RNF17: variants seen among roughly 807,000 people sequenced by gnomAD.
RNF17 encodes the protein ring finger protein 17.
Under a neutral mutation model 200.5 loss-of-function variants are expected in RNF17, and 31 were observed. The ratio of observed to expected loss-of-function variants is 0.15; its 90% CI spans 0.12 to 0.21. The LOEUF is 0.21. Ranked by LOEUF, RNF17 falls within the 10% of genes least tolerant of loss-of-function variation. The pLI, the probability that RNF17 is intolerant of heterozygous loss-of-function variation, is 1.00. For missense variants in RNF17, 1,628 were observed against 1,905.1 expected, an observed-to-expected ratio of 0.85 and a Z score of 2.71; for synonymous variants, 606 against 637.8, an observed-to-expected ratio of 0.95 and a Z score of 0.75.
At chr13:24,865,652 A>G (rs1234834517) in intron 29 of RNF17, among the ~76,000 whole-genome samples, 1 of 152,198 alleles carries the variant, frequency 6.6e-6, no homozygotes, top group Non-Finnish European at 1.5e-5. Flanking sequence ...GTAGTACACA[A>G]CCAAACATTG....
At chr13:24,850,233 A>G (rs1289826664) in intron 22 of RNF17, 108 bp from the exon 23 acceptor site, 3 of 583,472 alleles carry the variant, frequency 5.1e-6, no homozygotes, top group Non-Finnish European at 9.0e-6. Context: ...TACTACATAT[A>G]GTTGGTTCAA....
At chr13:24,793,410 C>G (rs1759855438) in intron 10 of RNF17, 64 bp downstream of exon 10, 1 of 1,415,520 alleles carries the variant, frequency 7.1e-7, no homozygotes, top group South Asian at 1.4e-5. Flanking sequence ...CAGTTGGTAC[C>G]TTTTTCGTCC....
intron 16 of RNF17, among the ~76,000 whole-genome samples, chr13:24,829,275 A>G (rs1889128063): frequency 6.6e-6 from 1 of 152,156 alleles, no homozygotes; most frequent in African/African-American, 2.4e-5. Context: ...ATCTTCCCAT[A>G]GTTTCTCCAG....
At chr13:24,864,383 G>A (rs1893411852) in intron 28 of RNF17, among the ~76,000 whole-genome samples, 1 of 152,168 alleles carries the variant, frequency 6.6e-6, no homozygotes, top group African/African-American at 2.4e-5. Flanking sequence ...ATTGCTGTAG[G>A]TCAGCTTATC....
intron 18 of RNF17, among the ~76,000 whole-genome samples, chr13:24,832,561 T>A (rs148337401): frequency 6.6e-6 from 1 of 152,314 alleles, no homozygotes; most frequent in Non-Finnish European, 1.5e-5. Context: ...TTTATCTCGT[T>A]TATAGTGAAT....
chr13:24,797,497 T>C (rs1002806386), intron 11 of RNF17, among the ~76,000 whole-genome samples: 18 of 152,152 alleles, frequency 1.2e-4, no homozygotes, highest in Non-Finnish European at 4.4e-5. Context: ...AATAACATTA[T>C]CTCATTATAA....
At chr13:24,808,409 G>C (rs983514897) in intron 15 of RNF17, among the ~76,000 whole-genome samples, 1 of 144,724 alleles carries the variant, frequency 6.9e-6, no homozygotes, top group Non-Finnish European at 1.5e-5. Context: ...TGAAGCAATT[G>C]TGAATGGGAG....
At chr13:24,868,184 G>A (rs1893838843) in intron 30 of RNF17, among the ~76,000 whole-genome samples, 1 of 152,174 alleles carries the variant, frequency 6.6e-6, no homozygotes, top group Non-Finnish European at 1.5e-5. Flanking sequence ...AAGAGAGCTT[G>A]CTGGGGCCGG....
the RNF17 span, among the ~76,000 whole-genome samples, chr13:24,748,979 C>T: frequency 6.6e-6 from 1 of 152,090 alleles, no homozygotes; most frequent in Non-Finnish European, 1.5e-5. Flanking sequence ...GTGGTGAACT[C>T]CTGACCTCAA....
downstream of RNF17, chr13:24,883,943 T>C: frequency 6.2e-7 from 1 of 1,614,068 alleles, no homozygotes; most frequent in Non-Finnish European, 8.5e-7. Flanking sequence ...GGTTTTTCTG[T>C]GAACATAATG....
intron 25 of RNF17, among the ~76,000 whole-genome samples, chr13:24,856,557 TAAG>T (rs949385402): frequency 3.3e-5 from 5 of 152,174 alleles, no homozygotes; most frequent in South Asian, 2.1e-4. Flanking sequence ...TTTCAGTAGG[TAAG>T]AAGAAGAGAT....
intron 18 of RNF17, among the ~76,000 whole-genome samples, chr13:24,841,267 A>C (rs1169436090): frequency 2.0e-5 from 3 of 152,186 alleles, no homozygotes; most frequent in African/African-American, 7.2e-5. Flanking sequence ...AAAAAGTTCT[A>C]GTTAATTGAG....
intron 6 of RNF17, among the ~76,000 whole-genome samples, chr13:24,783,295 T>C (rs1391523399): frequency 6.6e-6 from 1 of 152,226 alleles, no homozygotes; most frequent in Non-Finnish European, 1.5e-5. Context: ...TGACTACTGT[T>C]GTTTTGTAGT....
intron 15 of RNF17, among the ~76,000 whole-genome samples, chr13:24,822,501 A>G (rs1287431864): frequency 1.3e-5 from 2 of 151,594 alleles, no homozygotes; most frequent in African/African-American, 2.4e-5. Flanking sequence ...GGCTGACTGC[A>G]ACGTGCACCT....
At chr13:24,788,652 C>T (rs1883439076) in intron 7 of RNF17, among the ~76,000 whole-genome samples, 1 of 152,106 alleles carries the variant, frequency 6.6e-6, no homozygotes, top group South Asian at 2.1e-4. Flanking sequence ...CAAGAGACAG[C>T]TTCAGCCATC....
chr13:24,784,985 G>A (rs1217470764), intron 6 of RNF17, among the ~76,000 whole-genome samples: 13 of 152,162 alleles, frequency 8.5e-5, no homozygotes, highest in Admixed American at 8.5e-4. Flanking sequence ...GGGATTACAG[G>A]TGTGAGCCAT....
At chr13:24,823,705 T>C (rs1888332277) in intron 15 of RNF17, among the ~76,000 whole-genome samples, 1 of 152,198 alleles carries the variant, frequency 6.6e-6, no homozygotes, top group African/African-American at 2.4e-5. Context: ...AGGGCAGACA[T>C]GTGGCTTTGT....
At chr13:24,883,419 A>G (rs1953923170), downstream of RNF17, 1 of 1,420,412 alleles carries the variant, frequency 7.0e-7, no homozygotes, top group Non-Finnish European at 9.6e-7. Flanking sequence ...ATAATAGAAA[A>G]TAAACAACAG....
intron 15 of RNF17, among the ~76,000 whole-genome samples, chr13:24,822,604 A>G (rs1164466823): frequency 6.6e-6 from 1 of 152,070 alleles, no homozygotes; most frequent in African/African-American, 2.4e-5. Context: ...TATTTTTAGT[A>G]GAGATGGGGT....
Sources: gnomAD v4.1 joint callset for allele counts (sites outside exome capture counted in the v4.1 genomes callset) on GRCh38, gnomAD v4.1.1 for gene constraint, MANE v1.5 for transcripts, NCBI Gene and HGNC (gene_info 2026-07-23, HGNC 2026-07-21) for gene names.